The following CHD8 variants were observed in gnomAD, a reference collection of about 807,000 sequenced individuals.
CHD8 encodes chromodomain helicase DNA binding protein 8.
A neutral mutation model predicts 279.2 loss-of-function variants in CHD8; 31 were observed. That is an observed-to-expected ratio of 0.11 (90% CI 0.08 to 0.15). The LOEUF (loss-of-function observed/expected upper bound fraction) is 0.15, where lower values mean the gene tolerates loss of function less well. Among genes scored for constraint, CHD8 ranks in the 10% least tolerant of loss-of-function variants. CHD8 has a pLI of 1.00. For synonymous variants in CHD8, 1,081 were observed against 1,139.6 expected, an observed-to-expected ratio of 0.95 and a Z score of 1.04; for missense variants, 2,146 against 3,230.5, an observed-to-expected ratio of 0.66 and a Z score of 8.14.
intron 1 of CHD8, chr14:21,437,399 T>C: frequency 2.5e-6 from 1 of 396,588 alleles, no homozygotes; most frequent in Non-Finnish European, 3.6e-6. Flanking sequence ...CCCCCGCAGG[T>C]TAGGTTGAGA....
In CHD8 at chr14:21,391,796, T is replaced by C. The variant is rs369733083; in HGVS notation, c.6885+37A>G. 30 of 1,555,266 alleles carry C rather than the reference T, an allele frequency of 1.9e-5. No individual in the cohort carries two copies. In the African/African-American group the frequency reaches 3.4e-4, roughly 18 times the overall value. On this transcript the variant is annotated intron_variant, in intron 35 of 37. Coordinates refer to ENST00000646647, the MANE Select transcript of CHD8 (RefSeq NM_001170629.2). ...TCAATTATTGGGAATAAAAAGACAA[T>C]CTAATCGTCAGGTTAAAGACTTTCT...
chr14:21,453,029 C>A (rs1890296328), intron 1 of CHD8, among the ~76,000 whole-genome samples: 1 of 151,208 alleles, frequency 6.6e-6, no homozygotes, highest in African/African-American at 2.5e-5. Context: ...AACTGTCAGG[C>A]TGGGTGTGGT....
In CHD8 at chr14:21,394,442, T is replaced by C. The variant is rs755228158; in HGVS notation, c.5434A>G (p.Thr1812Ala). The C allele has an allele frequency of 1.9e-6, 3 of 1,611,858 alleles. No homozygotes were observed. The highest frequency in any genetic ancestry group is 1.7e-5 in the Admixed American group (1 of 59,566). ...TCAGGGTCATATTCCACACCAAACG[T>C]AGACACCACTCGATAAAAATCAGTT... ...EQTDFYRVVS[T>A]FGVEYDPDTM... Residue 1812 changes from threonine to alanine, a missense_variant, in exon 31 of 38, where the codon ACG (threonine) becomes GCG (alanine). Thr to Ala is a moderately conservative substitution (Grantham distance 58). This residue lies in a region of CHD8 where 513 missense variants were observed against 637.6 expected (regional missense o/e 0.80). Coordinates refer to ENST00000646647, the MANE Select transcript of CHD8 (RefSeq NM_001170629.2).
chr14:21,422,041 T>C (rs1025319785), intron 5 of CHD8, among the ~76,000 whole-genome samples: 2 of 152,110 alleles, frequency 1.3e-5, no homozygotes, highest in Admixed American at 6.5e-5. Flanking sequence ...TCCAGAACTA[T>C]AAGGAAATAA....
At chr14:21,430,654 G>A in intron 2 of CHD8, 147 bp downstream of exon 2, 1 of 607,406 alleles carries the variant, frequency 1.6e-6, no homozygotes, top group East Asian at 2.8e-5. Context: ...CAAGTACTAA[G>A]TATGTGGCTG....
At chr14:21,401,255 C>G (rs1443554314) in intron 21 of CHD8, 148 bp downstream of exon 21, 1 of 735,864 alleles carries the variant, frequency 1.4e-6, no homozygotes, top group East Asian at 2.8e-5. Flanking sequence ...TTTCTGGGGC[C>G]TCCTAGGTAG....
chr14:21,392,309 T>C lies in CHD8; in HGVS notation c.6771+198A>G, dbSNP rs930831698. On this transcript the variant is annotated intron_variant, in intron 34 of 37. Coordinates refer to ENST00000646647, the MANE Select transcript of CHD8 (RefSeq NM_001170629.2). ...TTAAGAAACTTTTGTTGAATATTAATAGGATTAATAATCAATAGGGTTCAA... is the reference window on the plus strand; with the variant it reads ...TTAAGAAACTTTTGTTGAATATTAACAGGATTAATAATCAATAGGGTTCAA... The C allele has an allele frequency of 1.6e-5, 12 of 768,682 alleles. No homozygotes were observed. The Admixed American group carries it at 2.2e-4, about 14-fold the overall frequency. 47.6% of individuals were successfully genotyped at this position (768,682 alleles called of 1,614,324 possible).
rs376260777 is a variant in CHD8 at position 21,428,236 on chromosome 14, C to A, written c.1234G>T (p.Ala412Ser). The A allele has an allele frequency of 6.2e-7, 1 of 1,613,784 alleles. No homozygotes were observed. Among genetic ancestry groups the A allele is most frequent in the Non-Finnish European group, 8.5e-7 (1 of 1,179,774 alleles). ...TTAACTACAGAGAGCCCAGAAGAGG[C>A]CCCTTGGGAAGAGCCAGCCTATAGA... ...LQPQAGSSQG[A>S]SSGLSVVKVL... Residue 412 changes from alanine to serine, a missense_variant, in exon 4 of 38, where the codon GCC (alanine) becomes TCC (serine). Physicochemically the swap from Ala to Ser is moderately conservative, Grantham distance 99. Transcript: ENST00000646647.
chr14:21,403,713 G>T lies in CHD8; in HGVS notation c.3308-50C>A. ...GTTGAGATCCAGTGAACCATATTAAGGTTGTAGTCTATTTAACTAAGAAAG... is the reference window on the plus strand; with the variant it reads ...GTTGAGATCCAGTGAACCATATTAATGTTGTAGTCTATTTAACTAAGAAAG... On this transcript the variant is annotated intron_variant, in intron 16 of 37. Coordinates refer to ENST00000646647, the MANE Select transcript of CHD8 (RefSeq NM_001170629.2). This position sits in a 1 kb window ranked among gnomAD's most constrained non-coding sequence, Gnocchi z 4.3. 2 of 1,431,442 alleles carry T rather than the reference G, an allele frequency of 1.4e-6. No individual in the cohort carries two copies. The highest frequency in any genetic ancestry group is 1.2e-5 in the South Asian group (1 of 81,250). The allele number at this position is 1,431,442 out of a possible 1,614,324, so 88.7% of individuals were successfully genotyped here.
rs1037340064 is a variant in CHD8 at position 21,395,932 on chromosome 14, A to G, written c.5052-40T>C. ...AGGCACAAGAAAATGTTAATAATGT[A>G]TCTTCTATCACTAAGGGAACCTAGG... On this transcript the variant is annotated intron_variant, in intron 27 of 37. Transcript: ENST00000646647. 6 of 1,321,554 alleles carry G rather than the reference A, an allele frequency of 4.5e-6. No individual in the cohort carries two copies. In the African/African-American group the frequency reaches 8.7e-5, roughly 19 times the overall value. 81.9% of individuals were successfully genotyped at this position (1,321,554 alleles called of 1,614,324 possible). A position where few individuals can be genotyped will look rare whatever the true frequency, so the allele number is the denominator to read the frequency against.
chr14:21,399,789 C>T (rs1887951094), intron 25 of CHD8, 84 bp from the exon 26 acceptor site: 1 of 1,047,314 alleles, frequency 9.5e-7, no homozygotes, highest in Non-Finnish European at 1.5e-6. Flanking sequence ...TAGGTATCTT[C>T]CTGTATCCAT....
intron 16 of CHD8, chr14:21,404,885 G>A (rs893056984): frequency 1.4e-5 from 4 of 276,762 alleles, no homozygotes; most frequent in African/African-American, 2.2e-5. Context: ...AGGCTGGAGT[G>A]CAGTGGTGTG....
chr14:21,437,104 G>A (rs1159695990), intron 1 of CHD8: 2 of 858,486 alleles, frequency 2.3e-6, no homozygotes, highest in Non-Finnish European at 3.3e-6. Context: ...AGCAATGTTA[G>A]GGCGGAAGCT....
At chr14:21,451,954 T>C (rs147702694) in intron 1 of CHD8, among the ~76,000 whole-genome samples, 3,746 of 152,326 alleles carry the variant, frequency 0.025, 52 homozygotes, top group African/African-American at 0.032. Flanking sequence ...ATGAAAACTT[T>C]AGAGTTTCAT....
intron 1 of CHD8, chr14:21,437,289 G>C (rs1048106730): frequency 8.8e-7 from 1 of 1,133,438 alleles, no homozygotes; most frequent in African/African-American, 1.6e-5. Flanking sequence ...GCTCCTGCCC[G>C]CCCCGCGCCA....
chr14:21,421,756 C>G (rs542821378), intron 5 of CHD8, among the ~76,000 whole-genome samples: 1 of 152,146 alleles, frequency 6.6e-6, no homozygotes, highest in Admixed American at 6.5e-5. Context: ...AAGCCCCTAA[C>G]CCCCAGTACC....
rs1220854861 is a variant in CHD8 at position 21,385,301 on chromosome 14, C to G, written c.*312G>C. 2.9e-6 allele frequency: 1 copy of G among 344,860 alleles called. No individual in the cohort carries two copies. The highest frequency in any genetic ancestry group is 2.1e-5 in the African/African-American group (1 of 47,844). 21.4% of individuals were successfully genotyped at this position (344,860 alleles called of 1,614,324 possible). A position where few individuals can be genotyped will look rare whatever the true frequency, so the allele number is the denominator to read the frequency against. On this transcript the variant is annotated 3_prime_UTR_variant, in exon 38 of 38. Transcript: ENST00000646647. ...GGCCAGGAACAGGCTCTGCCAGAGG[C>G]TAGGGCCAGCGCTACATAGTCTGTG...
chr14:21,450,732 C>CA (rs1445632044), intron 1 of CHD8, among the ~76,000 whole-genome samples: 65 of 151,742 alleles, frequency 4.3e-4, no homozygotes, highest in African/African-American at 1.4e-3. Context: ...GCCTTCTTCT[C>CA]AAATAAAATT....
intron 9 of CHD8, among the ~76,000 whole-genome samples, chr14:21,413,489 C>T (rs9944063): frequency 0.025 from 3,752 of 151,076 alleles, 51 homozygotes; most frequent in African/African-American, 0.033. Context: ...CCACCTCCTA[C>T]GTTCAAGTGA....
Sources: allele counts gnomAD v4.1 joint callset (sites outside exome capture counted in the v4.1 genomes callset), GRCh38; gene constraint gnomAD v4.1.1; regional missense constraint gnomAD v4.1.1; non-coding constraint Gnocchi (gnomAD v3.1); transcripts MANE v1.5; gene names NCBI Gene and HGNC (gene_info 2026-07-23, HGNC 2026-07-21).